Variants in NALF1 observed in about 807,000 individuals in gnomAD.
NALF1 encodes the protein family with sequence similarity 155 member A.
Under a neutral mutation model 48.4 loss-of-function variants are expected in NALF1, and 3 were observed. That is an observed-to-expected ratio of 0.06 (90% CI 0.03 to 0.16). The LOEUF is 0.16. Among genes scored for constraint, NALF1 ranks in the 10% least tolerant of loss-of-function variants. The pLI, the probability that NALF1 is intolerant of heterozygous loss-of-function variation, is 1.00. For missense variants in NALF1, 526 were observed against 571.5 expected, an observed-to-expected ratio of 0.92 and a Z score of 0.81; for synonymous variants, 262 against 245.7, an observed-to-expected ratio of 1.07 and a Z score of -0.62.
chr13:107,386,130 A>C (rs1594148745), intron 1 of NALF1, among the ~76,000 whole-genome samples: 1 of 152,168 alleles, frequency 6.6e-6, no homozygotes, highest in African/African-American at 2.4e-5. Context: ...CTTCCTTTAC[A>C]TGTTTTGTCT....
chr13:107,301,042 T>C (rs1881826498), intron 1 of NALF1, among the ~76,000 whole-genome samples: 1 of 152,218 alleles, frequency 6.6e-6, no homozygotes, highest in Non-Finnish European at 1.5e-5. Flanking sequence ...CAACCAATCT[T>C]GCAATATTTG....
intron 1 of NALF1, among the ~76,000 whole-genome samples, chr13:107,271,787 TA>T (rs1881172701): frequency 7.4e-5 from 5 of 67,372 alleles, no homozygotes; most frequent in Admixed American, 4.2e-4. Context: ...TATATATATA[TA>T]TATATATATA....
intron 1 of NALF1, among the ~76,000 whole-genome samples, chr13:107,747,102 T>C (rs1035737597): frequency 5.3e-5 from 8 of 152,328 alleles, no homozygotes; most frequent in East Asian, 1.9e-4. Context: ...GGAGCCCACA[T>C]GCATGTACGT....
chr13:107,862,805 A>T (rs1255956643), intron 1 of NALF1, among the ~76,000 whole-genome samples: 1 of 151,888 alleles, frequency 6.6e-6, no homozygotes, highest in African/African-American at 2.4e-5. Context: ...AATTTAATTT[A>T]TTCTTATTTT....
At chr13:107,833,690 TCAAC>T (rs1879808009) in intron 1 of NALF1, among the ~76,000 whole-genome samples, 1 of 152,216 alleles carries the variant, frequency 6.6e-6, no homozygotes, top group African/African-American at 2.4e-5. Flanking sequence ...CAAAAACTTC[TCAAC>T]CAATTAGTTA....
intron 1 of NALF1, among the ~76,000 whole-genome samples, chr13:107,539,476 C>T (rs1007282037): frequency 1.3e-5 from 2 of 149,828 alleles, no homozygotes; most frequent in Non-Finnish European, 2.9e-5. Flanking sequence ...AGATTTCCAA[C>T]ACATGAATTT....
At chr13:107,656,453 A>T (rs1209273893) in intron 1 of NALF1, among the ~76,000 whole-genome samples, 1 of 152,154 alleles carries the variant, frequency 6.6e-6, no homozygotes, top group East Asian at 1.9e-4. Context: ...CGAAACCACA[A>T]TGCGATACCA....
chr13:107,529,836 T>A (rs1388527773), intron 1 of NALF1, among the ~76,000 whole-genome samples: 1 of 152,058 alleles, frequency 6.6e-6, no homozygotes, highest in African/African-American at 2.4e-5. Flanking sequence ...TGTTGGAAAC[T>A]ATCCATGGTA....
At chr13:107,513,099 T>C (rs1006439279) in intron 1 of NALF1, among the ~76,000 whole-genome samples, 16 of 152,168 alleles carry the variant, frequency 1.1e-4, no homozygotes, top group African/African-American at 3.9e-4. Flanking sequence ...AAAGAACACA[T>C]CCTAGTGTGA....
At chr13:107,470,194 T>G (rs538244188) in intron 1 of NALF1, among the ~76,000 whole-genome samples, 57 of 152,212 alleles carry the variant, frequency 3.7e-4, no homozygotes, top group Non-Finnish European at 7.2e-4. Context: ...GGTCCCTAAC[T>G]TTACTTATTT....
intron 1 of NALF1, among the ~76,000 whole-genome samples, chr13:107,381,207 T>G (rs1044217314): frequency 2.4e-4 from 35 of 144,248 alleles, no homozygotes; most frequent in Admixed American, 6.8e-4. Flanking sequence ...AAATAGAGTT[T>G]TTTTTTTTTT....
chr13:107,639,218 A>G (rs1325452267), intron 1 of NALF1, among the ~76,000 whole-genome samples: 3 of 152,190 alleles, frequency 2.0e-5, no homozygotes, highest in African/African-American at 7.2e-5. Flanking sequence ...CTTGCAAGGC[A>G]AAGTCTAATG....
At chr13:107,207,016 T>G (rs1193116536) in intron 2 of NALF1, among the ~76,000 whole-genome samples, 1 of 152,216 alleles carries the variant, frequency 6.6e-6, no homozygotes, top group Non-Finnish European at 1.5e-5. Context: ...TGAGAAATGA[T>G]TGCATTTTAA....
intron 1 of NALF1, among the ~76,000 whole-genome samples, chr13:107,292,670 C>A (rs1881645861): frequency 6.6e-6 from 1 of 152,110 alleles, no homozygotes; most frequent in African/African-American, 2.4e-5. Context: ...AATGCCAAAG[C>A]CTTCTTCTAT....
At chr13:107,650,251 G>A (rs926311481) in intron 1 of NALF1, among the ~76,000 whole-genome samples, 1 of 152,062 alleles carries the variant, frequency 6.6e-6, no homozygotes, top group African/African-American at 2.4e-5. Context: ...ACAGAACCAG[G>A]GTACCCCTGG....
chr13:107,499,976 T>C (rs1875463983), intron 1 of NALF1, among the ~76,000 whole-genome samples: 1 of 152,182 alleles, frequency 6.6e-6, no homozygotes, highest in Non-Finnish European at 1.5e-5. Context: ...ACGTCAGATA[T>C]AAAAGTAGCA....
intron 1 of NALF1, among the ~76,000 whole-genome samples, chr13:107,295,564 G>A (rs923861168): frequency 2.0e-5 from 3 of 152,052 alleles, no homozygotes; most frequent in South Asian, 2.1e-4. Flanking sequence ...TCAGTGAGAC[G>A]ACAAGTTCCT....
intron 1 of NALF1, among the ~76,000 whole-genome samples, chr13:107,575,011 C>T (rs1878093300): frequency 6.6e-6 from 1 of 151,938 alleles, no homozygotes. Context: ...GGATGCATGC[C>T]ATAATATATT....
At chr13:107,471,443 G>T (rs1484091509) in intron 1 of NALF1, among the ~76,000 whole-genome samples, 1 of 152,094 alleles carries the variant, frequency 6.6e-6, no homozygotes, top group African/African-American at 2.4e-5. Context: ...GAAGTGAAGG[G>T]TAGGCAGGGG....
Sources: allele counts gnomAD v4.1 joint callset (sites outside exome capture counted in the v4.1 genomes callset), GRCh38; gene constraint gnomAD v4.1.1; transcripts MANE v1.5; gene names NCBI Gene and HGNC (gene_info 2026-07-23, HGNC 2026-07-21).